Variants in KCTD8 observed in about 807,000 individuals in gnomAD.
The protein encoded by KCTD8 is potassium channel tetramerization domain containing 8.
Under a neutral mutation model 31.5 loss-of-function variants are expected in KCTD8, and 27 were observed. The observed-to-expected ratio is 0.86, with a 90% CI of 0.63 to 1.18. The LOEUF (loss-of-function observed/expected upper bound fraction) is 1.18, where lower values mean the gene tolerates loss of function less well. KCTD8 is among the 50% of genes most tolerant of loss of function. The pLI, the probability that KCTD8 is intolerant of heterozygous loss-of-function variation, is 0.00. For synonymous variants in KCTD8, 290 were observed against 280.0 expected, an observed-to-expected ratio of 1.04 and a Z score of -0.36; for missense variants, 658 against 647.7, an observed-to-expected ratio of 1.02 and a Z score of -0.17.
At chr4:44,193,568 C>T (rs1713829689) in intron 1 of KCTD8, among the ~76,000 whole-genome samples, 5 of 151,666 alleles carry the variant, frequency 3.3e-5, no homozygotes. Context: ...ATGTGCTTAA[C>T]TATACTTGAG....
chr4:44,446,221 G>C (rs773151237), intron 1 of KCTD8, among the ~76,000 whole-genome samples: 16 of 152,270 alleles, frequency 1.1e-4, no homozygotes, highest in Non-Finnish European at 2.4e-4. Flanking sequence ...CCTGTGCAAG[G>C]AGAGTTCCCT....
At chr4:44,445,063 A>C (rs931116960) in intron 1 of KCTD8, among the ~76,000 whole-genome samples, 2 of 152,216 alleles carry the variant, frequency 1.3e-5, no homozygotes, top group South Asian at 4.1e-4. Context: ...TAACACCGAT[A>C]ATCTTTTTAA....
intron 1 of KCTD8, among the ~76,000 whole-genome samples, chr4:44,336,149 C>CAAAAAAAA (rs58161667): frequency 7.5e-4 from 35 of 46,526 alleles, no homozygotes; most frequent in South Asian, 2.4e-3. Context: ...GACTCCGTCT[C>CAAAAAAAA]AAAAAAAAAA....
At chr4:44,343,722 T>C (rs1184154358) in intron 1 of KCTD8, among the ~76,000 whole-genome samples, 4 of 152,240 alleles carry the variant, frequency 2.6e-5, no homozygotes, top group African/African-American at 4.8e-5. Flanking sequence ...ATGTAGTTTA[T>C]ATTATATACT....
intron 1 of KCTD8, among the ~76,000 whole-genome samples, chr4:44,421,980 T>G (rs902656398): frequency 1.3e-5 from 2 of 152,178 alleles, no homozygotes; most frequent in African/African-American, 4.8e-5. Flanking sequence ...TGGGCATTAA[T>G]TAACTGTTCC....
chr4:44,217,151 T>C (rs1714673187), intron 1 of KCTD8, among the ~76,000 whole-genome samples: 1 of 152,184 alleles, frequency 6.6e-6, no homozygotes, highest in South Asian at 2.1e-4. Context: ...GGCTTTCATT[T>C]GTTGAGAGCC....
At chr4:44,399,073 T>C (rs2109455126) in intron 1 of KCTD8, among the ~76,000 whole-genome samples, 1 of 152,250 alleles carries the variant, frequency 6.6e-6, no homozygotes, top group East Asian at 1.9e-4. Flanking sequence ...AAACCAAATT[T>C]GGGCACTATG....
chr4:44,407,775 C>A (rs1286707723), intron 1 of KCTD8, among the ~76,000 whole-genome samples: 1 of 152,112 alleles, frequency 6.6e-6, no homozygotes, highest in African/African-American at 2.4e-5. Context: ...CCCACAGAAA[C>A]AATTTTCAGC....
chr4:44,448,470 C>T lies in KCTD8; in HGVS notation c.54G>A (p.Glu18=). ...SGGSTILPIS[E]MVSSSSSPGA... ...CGGGCGAGCTGGACGAGGAAACCAT[C>T]TCGCTAATGGGCAGGATGGTGCTGC... The change falls in exon 1 of 2, where the codon GAG becomes GAA. Residue 18 remains glutamate, a synonymous_variant. Coordinates refer to ENST00000360029, the MANE Select transcript of KCTD8 (RefSeq NM_198353.3). This position sits in a 1 kb window ranked among gnomAD's most constrained non-coding sequence, Gnocchi z 4.1. The T allele has an allele frequency of 1.9e-6, 3 of 1,541,712 alleles. No homozygotes were observed. Among genetic ancestry groups the T allele is most frequent in the South Asian group, 2.5e-5 (2 of 78,434 alleles).
intron 1 of KCTD8, among the ~76,000 whole-genome samples, chr4:44,407,761 A>T (rs1388823663): frequency 6.6e-6 from 1 of 152,140 alleles, no homozygotes; most frequent in African/African-American, 2.4e-5. Flanking sequence ...ATAATCTGTC[A>T]TCACCCACAG....
chr4:44,190,125 A>T (rs551272084), intron 1 of KCTD8, among the ~76,000 whole-genome samples: 49 of 152,318 alleles, frequency 3.2e-4, no homozygotes, highest in Admixed American at 1.4e-3. Context: ...TATCCATACT[A>T]AACAAAGATG....
intron 1 of KCTD8, among the ~76,000 whole-genome samples, chr4:44,313,002 T>C (rs1347060896): frequency 1.3e-5 from 2 of 151,996 alleles, no homozygotes; most frequent in African/African-American, 4.8e-5. Context: ...TCATACTGTT[T>C]CCCCCCATTT....
At chr4:44,268,038 T>C (rs1716446011) in intron 1 of KCTD8, among the ~76,000 whole-genome samples, 1 of 152,204 alleles carries the variant, frequency 6.6e-6, no homozygotes, top group Non-Finnish European at 1.5e-5. Context: ...CCCTAACTCA[T>C]TTTATGAAGC....
intron 1 of KCTD8, among the ~76,000 whole-genome samples, chr4:44,351,359 T>C (rs1257421305): frequency 6.6e-6 from 1 of 152,162 alleles, no homozygotes; most frequent in African/African-American, 2.4e-5. Context: ...ATTAGTTCAA[T>C]TTTAAGTCAT....
intron 1 of KCTD8, among the ~76,000 whole-genome samples, chr4:44,389,254 G>A (rs1054571252): frequency 2.0e-5 from 3 of 151,630 alleles, no homozygotes; most frequent in Admixed American, 2.0e-4. Context: ...TAATTTATGT[G>A]TACATTTTAA....
At chr4:44,434,397 G>A (rs1325651010) in intron 1 of KCTD8, among the ~76,000 whole-genome samples, 6 of 151,772 alleles carry the variant, frequency 4.0e-5, no homozygotes. Flanking sequence ...CTATTATTCT[G>A]ATAATTTTAC....
chr4:44,299,772 CT>C (rs576621306), intron 1 of KCTD8, among the ~76,000 whole-genome samples: 91 of 134,470 alleles, frequency 6.8e-4, no homozygotes, highest in Non-Finnish European at 6.3e-4. Context: ...TTTTCCTTTT[CT>C]TTTTTTTTTT....
At chr4:44,188,362 G>T (rs1713654415) in intron 1 of KCTD8, among the ~76,000 whole-genome samples, 1 of 152,186 alleles carries the variant, frequency 6.6e-6, no homozygotes, top group South Asian at 2.1e-4. Context: ...CCCAGCTTTT[G>T]AATAGAGCAG....
intron 1 of KCTD8, among the ~76,000 whole-genome samples, chr4:44,186,677 G>A (rs1353104222): frequency 6.6e-6 from 1 of 152,214 alleles, no homozygotes; most frequent in Non-Finnish European, 1.5e-5. Context: ...GAGCAGTGGG[G>A]CACCGAAGAA....
Sources: allele counts gnomAD v4.1 joint callset (sites outside exome capture counted in the v4.1 genomes callset), GRCh38; gene constraint gnomAD v4.1.1; non-coding constraint Gnocchi (gnomAD v3.1); transcripts MANE v1.5; gene names NCBI Gene and HGNC (gene_info 2026-07-23, HGNC 2026-07-21).